CACNA1E: variants seen among roughly 807,000 people sequenced by gnomAD.
CACNA1E encodes the protein calcium voltage-gated channel subunit alpha1 E.
A neutral mutation model predicts 259.2 loss-of-function variants in CACNA1E; 40 were observed. The observed-to-expected ratio is 0.15, with a 90% CI of 0.12 to 0.20. The LOEUF is 0.20. CACNA1E is among the 10% of genes least tolerant of loss of function. The pLI, the probability that CACNA1E is intolerant of heterozygous loss-of-function variation, is 1.00. For synonymous variants in CACNA1E, 1,104 were observed against 1,138.5 expected (o/e 0.97, Z 0.61); for missense variants, 1,874 against 3,040.1 (o/e 0.62, Z 9.02).
chr1:181,596,408 G>A lies in CACNA1E; in HGVS notation c.951+15632G>A, dbSNP rs563603418. Among the ~76,000 whole-genome samples, 68 of 152,316 alleles carry A rather than the reference G, an allele frequency of 4.5e-4. 1 individual carries two copies. The highest frequency in any genetic ancestry group is 1.7e-3 in the East Asian group (9 of 5,182). On this transcript the variant is annotated intron_variant, in intron 6 of 47. Transcript: ENST00000367573. The stretch of plus-strand genomic sequence containing the variant: ...TTCTTTGCCTGCTTGTCACGGTCAC[G>A]TGCCCCCTCCACCTGCGTCGGACTT...
intron 25 of CACNA1E, among the ~76,000 whole-genome samples, chr1:181,740,670 T>C (rs1234603426): frequency 6.6e-6 from 1 of 152,184 alleles, no homozygotes; most frequent in Admixed American, 6.5e-5. Flanking sequence ...AAAACCACAT[T>C]GAGCATAGTT....
At position 181,641,696 on chromosome 1, in the gene CACNA1E, A is replaced by AT. The variant is rs1369217611; in HGVS notation, c.952-9636dup. Among the ~76,000 whole-genome samples, 188 of 103,886 alleles carry AT rather than the reference A, an allele frequency of 1.8e-3. 5 individuals are homozygous for AT. Among genetic ancestry groups the AT allele is most frequent in the African/African-American group, 6.5e-3 (159 of 24,622 alleles). 68.2% of individuals were successfully genotyped at this position (103,886 alleles called of 152,430 possible). A position where few individuals can be genotyped will look rare whatever the true frequency, so the allele number is the denominator to read the frequency against. Reference sequence around the variant, plus strand: ...CAAATGAGATCATGAGGCAACACTAATTTTTTGTTTTTTTTTTTTTTTTTT... The same window carrying AT: ...CAAATGAGATCATGAGGCAACACTAATTTTTTTGTTTTTTTTTTTTTTTTTT... On this transcript the variant is annotated intron_variant, in intron 6 of 47. Coordinates refer to ENST00000367573, the MANE Select transcript of CACNA1E (RefSeq NM_001205293.3).
intron 3 of CACNA1E, among the ~76,000 whole-genome samples, chr1:181,557,734 A>G (rs911771930): frequency 3.9e-5 from 6 of 152,220 alleles, no homozygotes; most frequent in Non-Finnish European, 8.8e-5. Flanking sequence ...TCCGCTGGGC[A>G]GAAACCATCC....
intron 1 of CACNA1E, among the ~76,000 whole-genome samples, chr1:181,507,474 G>A (rs1426751187): frequency 3.9e-5 from 6 of 152,256 alleles, no homozygotes; most frequent in Non-Finnish European, 7.3e-5. Context: ...GAAAATGCAG[G>A]TATGGGTGTG....
intron 3 of CACNA1E, among the ~76,000 whole-genome samples, chr1:181,563,098 A>G (rs914695488): frequency 1.3e-5 from 2 of 152,162 alleles, no homozygotes; most frequent in African/African-American, 4.8e-5. Context: ...GCTCTCGTTC[A>G]TTTTGATGCT....
At chr1:181,765,906 G>T (rs1285531859) in intron 34 of CACNA1E, among the ~76,000 whole-genome samples, 6 of 152,212 alleles carry the variant, frequency 3.9e-5, no homozygotes, top group East Asian at 3.8e-4. Flanking sequence ...CAATAAGCAT[G>T]CGCAGTATGG....
chr1:181,732,375 C>A lies in CACNA1E; in HGVS notation c.2298-9C>A. The A allele has an allele frequency of 6.6e-7, 1 of 1,504,476 alleles. No homozygotes were observed. The highest frequency in any genetic ancestry group is 2.5e-5 in the East Asian group (1 of 40,590). 93.2% of individuals were successfully genotyped at this position (1,504,476 alleles called of 1,614,324 possible). A position where few individuals can be genotyped will look rare whatever the true frequency, so the allele number is the denominator to read the frequency against. On this transcript the variant is annotated splice_polypyrimidine_tract_variant and intron_variant, in intron 19 of 47. Transcript: ENST00000367573. This position sits in a 1 kb window ranked among gnomAD's most constrained non-coding sequence, Gnocchi z 5.5. ...CTCTGACCGCGGCCCTGCCCTTTCC[C>A]CTTGGCAGGAGGGAGCGGAGGCGCC...
intron 3 of CACNA1E, among the ~76,000 whole-genome samples, chr1:181,574,329 C>A (rs1478003337): frequency 6.6e-6 from 1 of 152,194 alleles, no homozygotes; most frequent in Non-Finnish European, 1.5e-5. Flanking sequence ...TCATTAGACT[C>A]TAAATGCTTG....
At chr1:181,367,156 T>C (rs535685393) in intron 1 of CACNA1E, among the ~76,000 whole-genome samples, 3 of 152,292 alleles carry the variant, frequency 2.0e-5, no homozygotes, top group Admixed American at 2.0e-4. Flanking sequence ...AAGAGTGTTG[T>C]GGTTGCGCCT....
At chr1:181,500,476 C>T (rs143435859) in intron 1 of CACNA1E, among the ~76,000 whole-genome samples, 4 of 152,194 alleles carry the variant, frequency 2.6e-5, no homozygotes, top group South Asian at 2.1e-4. Context: ...GGGCTTTTCC[C>T]CCGAAGTTAA....
At chr1:181,458,822 TACCCATCCATCC>T (rs1422837971) in intron 2 of CACNA1E, among the ~76,000 whole-genome samples, 3 of 136,660 alleles carry the variant, frequency 2.2e-5, no homozygotes, top group African/African-American at 8.3e-5. Flanking sequence ...ATCATTTATT[TACCCATCCATCC>T]ATCCATCCAT....
At chr1:181,395,786 T>C (rs1656639933) in intron 1 of CACNA1E, among the ~76,000 whole-genome samples, 1 of 151,624 alleles carries the variant, frequency 6.6e-6, no homozygotes, top group Non-Finnish European at 1.5e-5. Flanking sequence ...ACCAGGAGAG[T>C]GTGATGTCGT....
intron 3 of CACNA1E, among the ~76,000 whole-genome samples, chr1:181,527,822 T>C (rs952403116): frequency 3.9e-5 from 6 of 152,214 alleles, no homozygotes; most frequent in African/African-American, 1.4e-4. Flanking sequence ...AGTCTTCCTC[T>C]TTTGAGAGAA....
At chr1:181,550,111 A>T (rs909151052) in intron 3 of CACNA1E, among the ~76,000 whole-genome samples, 1 of 152,154 alleles carries the variant, frequency 6.6e-6, no homozygotes, top group African/African-American at 2.4e-5. Flanking sequence ...TACTGTCTAG[A>T]ATATACTGAG....
At chr1:181,370,132 A>G (rs921960450) in intron 1 of CACNA1E, among the ~76,000 whole-genome samples, 3 of 152,224 alleles carry the variant, frequency 2.0e-5, no homozygotes, top group African/African-American at 7.2e-5. Context: ...GTTAAAAAAA[A>G]ACAAAATTAA....
intron 6 of CACNA1E, among the ~76,000 whole-genome samples, chr1:181,650,416 A>G (rs1658652601): frequency 6.6e-6 from 1 of 152,158 alleles, no homozygotes; most frequent in Non-Finnish European, 1.5e-5. Context: ...TGGGGGTCGA[A>G]GGGATTTCAA....
chr1:181,565,383 C>T (rs1299008825), intron 3 of CACNA1E, among the ~76,000 whole-genome samples: 2 of 152,184 alleles, frequency 1.3e-5, no homozygotes, highest in African/African-American at 4.8e-5. Context: ...CTTTTCATTC[C>T]CTCTTGGCCC....
chr1:181,776,035 GTTC>G lies in CACNA1E; in HGVS notation c.5140-61_5140-59del. The G allele has an allele frequency of 1.3e-6, 2 of 1,508,234 alleles. No homozygotes were observed. Among genetic ancestry groups the G allele is most frequent in the Non-Finnish European group, 1.8e-6 (2 of 1,104,054 alleles). 93.4% of individuals were successfully genotyped at this position (1,508,234 alleles called of 1,614,324 possible). A position where few individuals can be genotyped will look rare whatever the true frequency, so the allele number is the denominator to read the frequency against. ...CACCCTCCTCCATGCCCTGAAGCCT[GTTC>G]TTCTGCTTCCTGAGCTCTGCTTTAG... On this transcript the variant is annotated intron_variant, in intron 37 of 47. Transcript: ENST00000367573. The surrounding 1 kb of genome is among the most constrained non-coding windows in gnomAD (Gnocchi z 4.4).
chr1:181,728,013 G>A (rs541767965), intron 18 of CACNA1E, among the ~76,000 whole-genome samples: 86 of 152,272 alleles, frequency 5.6e-4, no homozygotes, highest in African/African-American at 2.0e-3. Context: ...GTGAGTGAAA[G>A]AGAAAAATTC....
Sources: allele counts gnomAD v4.1 joint callset (sites outside exome capture counted in the v4.1 genomes callset), GRCh38; gene constraint gnomAD v4.1.1; non-coding constraint Gnocchi (gnomAD v3.1); transcripts MANE v1.5; gene names NCBI Gene and HGNC (gene_info 2026-07-23, HGNC 2026-07-21).